Variants in THSD7B observed in about 807,000 individuals in gnomAD.
The protein encoded by THSD7B is thrombospondin type 1 domain containing 7B, also known as thrombospondin type-1 domain-containing protein 7B.
Under a neutral mutation model 213.6 loss-of-function variants are expected in THSD7B, and 138 were observed. That is an observed-to-expected ratio of 0.65 (90% CI 0.56 to 0.74). THSD7B has a LOEUF of 0.74. Ranked by LOEUF, THSD7B falls within the 30% of genes least tolerant of loss-of-function variation. The pLI, the probability that THSD7B is intolerant of heterozygous loss-of-function variation, is 0.00. For missense variants in THSD7B, 1,931 were observed against 1,991.5 expected (o/e 0.97, Z 0.58); for synonymous variants, 742 against 687.0 (o/e 1.08, Z -1.25).
intron 12 of THSD7B, among the ~76,000 whole-genome samples, chr2:137,399,827 G>T (rs1050196501): frequency 5.9e-5 from 9 of 151,962 alleles, no homozygotes; most frequent in Non-Finnish European, 1.3e-4. Context: ...CAGAAATACT[G>T]ATAATTCTTA....
At chr2:137,374,042 T>C (rs553321217) in intron 12 of THSD7B, among the ~76,000 whole-genome samples, 1 of 152,178 alleles carries the variant, frequency 6.6e-6, no homozygotes, top group Non-Finnish European at 1.5e-5. Flanking sequence ...GGCTCTGTTC[T>C]GTTCCATTGA....
chr2:136,789,232 C>A (rs899259227), intron 1 of THSD7B, among the ~76,000 whole-genome samples: 1 of 151,678 alleles, frequency 6.6e-6, no homozygotes, highest in Non-Finnish European at 1.5e-5. Flanking sequence ...ATGTTTCTGT[C>A]CTTAGCAAAA....
intron 1 of THSD7B, among the ~76,000 whole-genome samples, chr2:136,767,219 C>T (rs1681416556): frequency 6.6e-6 from 1 of 152,120 alleles, no homozygotes; most frequent in Non-Finnish European, 1.5e-5. Context: ...TGTTACTAAC[C>T]AAATCAAGAA....
intron 14 of THSD7B, among the ~76,000 whole-genome samples, chr2:137,437,164 A>G (rs1687312134): frequency 6.6e-6 from 1 of 152,190 alleles, no homozygotes; most frequent in African/African-American, 2.4e-5. Context: ...TTCTAATCCC[A>G]GATGAAATAA....
At chr2:137,133,809 G>C (rs1028049282) in intron 5 of THSD7B, among the ~76,000 whole-genome samples, 3 of 152,102 alleles carry the variant, frequency 2.0e-5, no homozygotes, top group Non-Finnish European at 4.4e-5. Context: ...TAAATAATGA[G>C]ATAGTTTAAA....
At chr2:137,344,583 G>A (rs1684834135) in intron 12 of THSD7B, among the ~76,000 whole-genome samples, 1 of 151,662 alleles carries the variant, frequency 6.6e-6, no homozygotes, top group South Asian at 2.1e-4. Flanking sequence ...CCATCCACGG[G>A]AGGAATAAGT....
chr2:137,094,919 A>G lies in THSD7B; in HGVS notation c.997A>G (p.Met333Val). The G allele has an allele frequency of 6.2e-7, 1 of 1,613,692 alleles. No individual in the cohort carries two copies. Among genetic ancestry groups the G allele is most frequent in the Admixed American group, 1.7e-5 (1 of 59,978 alleles). ...CCCATTGACTGTTCAGTCCTGCATC[A>G]TGCCCAAAGACTGTGAAACCTCCCA... ...SFPLTVQSCI[M>V]PKDCETSQWS... Residue 333 changes from methionine (M) to valine (V), a missense_variant, in exon 4 of 28, where the codon ATG becomes GTG. Transcript: ENST00000409968.
At chr2:137,194,557 T>G (rs1226476242) in intron 7 of THSD7B, among the ~76,000 whole-genome samples, 2 of 152,238 alleles carry the variant, frequency 1.3e-5, no homozygotes, top group Non-Finnish European at 2.9e-5. Flanking sequence ...TGATTTTTCC[T>G]TCAAAGAACA....
At chr2:136,829,361 T>C (rs1235705370) in intron 1 of THSD7B, among the ~76,000 whole-genome samples, 3 of 152,052 alleles carry the variant, frequency 2.0e-5, no homozygotes, top group Non-Finnish European at 2.9e-5. Flanking sequence ...TGGGACAGGT[T>C]GGGGATAGAT....
At chr2:137,271,755 C>T (rs967717033) in intron 10 of THSD7B, among the ~76,000 whole-genome samples, 1 of 151,918 alleles carries the variant, frequency 6.6e-6, no homozygotes, top group Non-Finnish European at 1.5e-5. Flanking sequence ...TGTGCATTTA[C>T]AGTGCAAATA....
rs1472942776 is a variant in THSD7B at position 137,563,644 on chromosome 2, G to A, written c.3272+290G>A. Among the ~76,000 whole-genome samples, 3 of 152,106 alleles carry A rather than the reference G, an allele frequency of 2.0e-5. No homozygotes were observed. In the East Asian group the frequency reaches 5.8e-4, roughly 29 times the overall value. On this transcript the variant is annotated intron_variant, in intron 16 of 27. Transcript: ENST00000409968. ...GCTGTCACTCCACTGATTCATGGCCGTTATTCTTAACAAATTAGGAGATTC... is the reference window on the plus strand; with the variant it reads ...GCTGTCACTCCACTGATTCATGGCCATTATTCTTAACAAATTAGGAGATTC...
At chr2:137,364,170 G>C (rs1182172745) in intron 12 of THSD7B, among the ~76,000 whole-genome samples, 1 of 152,108 alleles carries the variant, frequency 6.6e-6, no homozygotes, top group Non-Finnish European at 1.5e-5. Flanking sequence ...ATGCAGCAAA[G>C]GCCTTTGACA....
intron 17 of THSD7B, among the ~76,000 whole-genome samples, chr2:137,613,147 C>T (rs1682318589): frequency 6.6e-6 from 1 of 152,122 alleles, no homozygotes; most frequent in South Asian, 2.1e-4. Context: ...AACCTAGCTT[C>T]TCCTCCCCTT....
intron 2 of THSD7B, among the ~76,000 whole-genome samples, chr2:137,040,708 C>A (rs1179296242): frequency 2.0e-5 from 3 of 152,064 alleles, no homozygotes; most frequent in African/African-American, 7.2e-5. Flanking sequence ...AGCTATATTT[C>A]TTTCTGAGAC....
rs574136710 is a variant in THSD7B at position 137,362,873 on chromosome 2, G to T, written c.2501-42740G>T. 4.6e-5 allele frequency among the ~76,000 whole-genome samples: 7 copies of T among 152,270 alleles called. No individual in the cohort carries two copies. The East Asian group carries it at 1.4e-3, about 29-fold the overall frequency. ...ATATGCAGGACTTGAACTCAGCTCTGCACCAAGCAGACCTAATAGACATCT... is the reference window on the plus strand; with the variant it reads ...ATATGCAGGACTTGAACTCAGCTCTTCACCAAGCAGACCTAATAGACATCT... On this transcript the variant is annotated intron_variant, in intron 12 of 27. Coordinates refer to ENST00000409968, the MANE Select transcript of THSD7B (RefSeq NM_001316349.2).
At chr2:137,153,414 C>G (rs1679853661) in intron 5 of THSD7B, among the ~76,000 whole-genome samples, 1 of 152,098 alleles carries the variant, frequency 6.6e-6, no homozygotes, top group African/African-American at 2.4e-5. Context: ...TATATTAAAT[C>G]TGCTGTGCAT....
At chr2:136,863,858 G>A (rs898509531) in intron 1 of THSD7B, among the ~76,000 whole-genome samples, 11 of 152,064 alleles carry the variant, frequency 7.2e-5, no homozygotes, top group South Asian at 2.1e-4. Context: ...TTTACTTTTC[G>A]TGATAAAAGA....
intron 1 of THSD7B, among the ~76,000 whole-genome samples, chr2:136,767,456 A>AGTGTGTGTGTGTGTGTGTGTGTGTGT (rs6146926): frequency 6.1e-5 from 9 of 146,592 alleles, no homozygotes; most frequent in South Asian, 2.2e-4. Context: ...ATCCCTGGGA[A>AGTGTGTGTGTGTGTGTGTGTGTGTGT]GTGTGTGTGT....
At chr2:137,121,874 TTGAC>T (rs558747948) in intron 5 of THSD7B, among the ~76,000 whole-genome samples, 16 of 152,326 alleles carry the variant, frequency 1.1e-4, no homozygotes, top group Middle Eastern at 3.4e-3. Context: ...AAGGAATTGT[TTGAC>T]TGTTGACCAG....
Sources: gnomAD v4.1 joint callset for allele counts (sites outside exome capture counted in the v4.1 genomes callset) on GRCh38, gnomAD v4.1.1 for gene constraint, MANE v1.5 for transcripts, NCBI Gene and HGNC (gene_info 2026-07-23, HGNC 2026-07-21) for gene names.